Variants in DOCK4 observed in about 807,000 individuals in gnomAD.
The protein encoded by DOCK4 is dedicator of cytokinesis 4.
In DOCK4, 97 loss-of-function variants were observed where a neutral mutation model predicts 268.1. That is an observed-to-expected ratio of 0.36 (90% CI 0.31 to 0.43). The LOEUF is 0.43. Among genes scored for constraint, DOCK4 ranks in the 20% least tolerant of loss-of-function variants. DOCK4 has a pLI of 1.00. For missense variants in DOCK4, 2,145 were observed against 2,455.7 expected, an observed-to-expected ratio of 0.87 and a Z score of 2.67; for synonymous variants, 954 against 887.2, an observed-to-expected ratio of 1.08 and a Z score of -1.34.
At position 112,063,097 on chromosome 7, in the gene DOCK4, T is replaced by C. The variant is rs113754469; in HGVS notation, c.38-58966A>G. Among the ~76,000 whole-genome samples, 465 of 152,294 alleles carry C rather than the reference T, an allele frequency of 3.1e-3. 3 individuals are homozygous for C. The highest frequency in any genetic ancestry group is 0.011 in the African/African-American group (448 of 41,578). On this transcript the variant is annotated intron_variant, in intron 1 of 52. Coordinates refer to ENST00000428084, the MANE Select transcript of DOCK4 (RefSeq NM_001363540.2). Reference sequence around the variant, plus strand: ...ATTCAGGTAGAGTCCTCCTGAAAGATACAAAGCACACAGAATCTCCCAGTT... The same window carrying C: ...ATTCAGGTAGAGTCCTCCTGAAAGACACAAAGCACACAGAATCTCCCAGTT...
At chr7:111,985,041 T>C (rs1002082128) in intron 6 of DOCK4, among the ~76,000 whole-genome samples, 1 of 152,074 alleles carries the variant, frequency 6.6e-6, no homozygotes, top group Non-Finnish European at 1.5e-5. Context: ...TGCTGAGAAG[T>C]ATTCTAAGGT....
At chr7:111,891,524 C>T (rs895807523) in intron 16 of DOCK4, among the ~76,000 whole-genome samples, 1 of 152,172 alleles carries the variant, frequency 6.6e-6, no homozygotes, top group Non-Finnish European at 1.5e-5. Context: ...TCCATGTTTT[C>T]CATATTTTAA....
chr7:112,202,603 G>A (rs146164026), intron 1 of DOCK4, among the ~76,000 whole-genome samples: 48 of 152,110 alleles, frequency 3.2e-4, no homozygotes, highest in African/African-American at 1.1e-3. Context: ...GTGAGAAGGT[G>A]CATGTCAGTA....
At chr7:112,017,199 T>A (rs1801884744) in intron 1 of DOCK4, among the ~76,000 whole-genome samples, 1 of 152,220 alleles carries the variant, frequency 6.6e-6, no homozygotes, top group South Asian at 2.1e-4. Context: ...TATCACAAGT[T>A]ATTAATTCTG....
chr7:111,777,358 A>G (rs1283426695), intron 36 of DOCK4, among the ~76,000 whole-genome samples: 1 of 152,234 alleles, frequency 6.6e-6, no homozygotes, highest in Non-Finnish European at 1.5e-5. Flanking sequence ...CAAGATCTTC[A>G]GGCTCAACAA....
At chr7:112,094,113 C>G (rs1327729866) in intron 1 of DOCK4, among the ~76,000 whole-genome samples, 3 of 151,844 alleles carry the variant, frequency 2.0e-5, no homozygotes, top group African/African-American at 7.3e-5. Context: ...ATCATGCTAT[C>G]TTTGTCTGAA....
chr7:111,980,438 G>A (rs1267218685), intron 7 of DOCK4, among the ~76,000 whole-genome samples: 2 of 152,164 alleles, frequency 1.3e-5, no homozygotes, highest in African/African-American at 2.4e-5. Flanking sequence ...CTCTAACTGT[G>A]CTTAACAGTT....
chr7:112,151,441 C>G (rs1816061595), intron 1 of DOCK4, among the ~76,000 whole-genome samples: 1 of 152,030 alleles, frequency 6.6e-6, no homozygotes, highest in South Asian at 2.1e-4. Flanking sequence ...AGTGGCATAC[C>G]CACGGCACCA....
chr7:112,044,295 G>A (rs541103593), intron 1 of DOCK4, among the ~76,000 whole-genome samples: 4 of 152,236 alleles, frequency 2.6e-5, no homozygotes, highest in South Asian at 2.1e-4. Context: ...AAAACACTGC[G>A]TGCTGGACTG....
At chr7:111,906,639 T>G (rs1202439299) in intron 13 of DOCK4, among the ~76,000 whole-genome samples, 1 of 152,096 alleles carries the variant, frequency 6.6e-6, no homozygotes, top group Non-Finnish European at 1.5e-5. Flanking sequence ...CAGATGTGAT[T>G]AAATTAATGA....
At chr7:111,988,597 G>C (rs928473832) in intron 6 of DOCK4, among the ~76,000 whole-genome samples, 2 of 152,168 alleles carry the variant, frequency 1.3e-5, no homozygotes, top group African/African-American at 2.4e-5. Flanking sequence ...CACAGAAGCT[G>C]TTAACATTAG....
At chr7:111,752,975 T>A (rs1374633104) in intron 42 of DOCK4, among the ~76,000 whole-genome samples, 5 of 132,746 alleles carry the variant, frequency 3.8e-5, no homozygotes, top group African/African-American at 1.4e-4. Context: ...TTCAAAGGCA[T>A]TGATATCTTA....
At chr7:111,763,377 C>G (rs1035094735) in intron 39 of DOCK4, among the ~76,000 whole-genome samples, 3 of 152,144 alleles carry the variant, frequency 2.0e-5, no homozygotes, top group Non-Finnish European at 4.4e-5. Context: ...TAGAAACCAA[C>G]AGAGGGGGAC....
intron 12 of DOCK4, among the ~76,000 whole-genome samples, chr7:111,934,747 G>GC (rs1472921626): frequency 6.7e-6 from 1 of 148,306 alleles, no homozygotes; most frequent in African/African-American, 2.5e-5. Flanking sequence ...CACCGTGTTA[G>GC]CCAGGATGGT....
At chr7:111,998,288 C>A (rs1401682382) in intron 4 of DOCK4, among the ~76,000 whole-genome samples, 160 bp downstream of exon 4, 1 of 152,156 alleles carries the variant, frequency 6.6e-6, no homozygotes, top group Non-Finnish European at 1.5e-5. Flanking sequence ...TAATTTTCTC[C>A]ACCAACGGTC....
chr7:112,099,769 T>C (rs1810508112), intron 1 of DOCK4, among the ~76,000 whole-genome samples: 1 of 152,172 alleles, frequency 6.6e-6, no homozygotes, highest in African/African-American at 2.4e-5. Context: ...ACAGATGACA[T>C]AGAAGATAAA....
chr7:111,813,741 G>A (rs529423367), intron 27 of DOCK4, among the ~76,000 whole-genome samples: 2 of 152,156 alleles, frequency 1.3e-5, no homozygotes, highest in African/African-American at 4.8e-5. Context: ...GGTATAATGC[G>A]GCAATTTCCC....
Position 111,844,835 on chromosome 7 carries a change from C to G in DOCK4, c.2664G>C (p.Arg888Ser), listed in dbSNP as rs1289491354. 1 of 1,613,618 alleles carries G rather than the reference C, an allele frequency of 6.2e-7. No homozygotes were observed. The highest frequency in any genetic ancestry group is 8.5e-7 in the Non-Finnish European group (1 of 1,179,676). The change falls in exon 25 of 53, where the codon AGG (arginine) becomes AGC (serine). Residue 888 changes from arginine to serine, a missense_variant. This residue lies in a region of DOCK4 where 1,598 missense variants were observed against 1,986.7 expected (regional missense o/e 0.80). Coordinates refer to ENST00000428084, the MANE Select transcript of DOCK4 (RefSeq NM_001363540.2). ...GTCGGCTGGTGATCTCCAATATGGT[C>G]CTCAGCAGAATATCCAGCAAGCTGG... is the stretch of plus-strand genomic sequence containing the variant. ...IVASLLDILL[R>S]TILEITSRPQ...
At chr7:111,884,527 G>A (rs1807678083) in intron 16 of DOCK4, among the ~76,000 whole-genome samples, 1 of 152,136 alleles carries the variant, frequency 6.6e-6, no homozygotes, top group African/African-American at 2.4e-5. Flanking sequence ...GGTATCGCTA[G>A]GAAAGACCAA....
Sources: allele counts gnomAD v4.1 joint callset (sites outside exome capture counted in the v4.1 genomes callset), GRCh38; gene constraint gnomAD v4.1.1; regional missense constraint gnomAD v4.1.1; transcripts MANE v1.5; gene names NCBI Gene and HGNC (gene_info 2026-07-23, HGNC 2026-07-21).